The following BCAS1 variants were observed in gnomAD, a reference collection of about 807,000 sequenced individuals.
The protein encoded by BCAS1 is brain enriched myelin associated protein 1, also known as breast carcinoma-amplified sequence 1.
BCAS1 carries 46 observed loss-of-function variants against 65.4 expected under a neutral mutation model. The ratio of observed to expected loss-of-function variants is 0.70; its 90% CI spans 0.55 to 0.90. BCAS1 has a LOEUF of 0.90. Among genes scored for constraint, BCAS1 ranks in the 40% least tolerant of loss-of-function variants. BCAS1 has a pLI of 0.00. For missense variants in BCAS1, 793 were observed against 771.2 expected (o/e 1.03, Z -0.33); for synonymous variants, 298 against 293.5 (o/e 1.02, Z -0.16).
intron 3 of BCAS1, among the ~76,000 whole-genome samples, chr20:54,030,712 T>C (rs762318429): frequency 3.3e-5 from 5 of 151,256 alleles, no homozygotes; most frequent in Non-Finnish European, 7.4e-5. Context: ...GTGAGCTGGA[T>C]TAAGCATTGA....
chr20:53,958,013 C>G (rs953120684), intron 10 of BCAS1, among the ~76,000 whole-genome samples: 1 of 152,066 alleles, frequency 6.6e-6, no homozygotes, highest in Non-Finnish European at 1.5e-5. Flanking sequence ...ACTCCTTAAA[C>G]TCCACACTCT....
chr20:53,996,137 AC>A, intron 4 of BCAS1, 87 bp from the exon 5 acceptor site: 1 of 1,381,658 alleles, frequency 7.2e-7, no homozygotes, highest in African/African-American at 1.4e-5. Flanking sequence ...TTTCTCTCTT[AC>A]CCCCTAATTC....
chr20:54,019,201 C>G (rs1013086750), intron 4 of BCAS1, among the ~76,000 whole-genome samples: 2 of 152,146 alleles, frequency 1.3e-5, no homozygotes, highest in African/African-American at 4.8e-5. Flanking sequence ...GTCTAAATGC[C>G]TAGCTCAACG....
chr20:53,976,248 G>A (rs537288322), intron 8 of BCAS1, among the ~76,000 whole-genome samples: 2 of 152,292 alleles, frequency 1.3e-5, no homozygotes, highest in South Asian at 4.1e-4. Context: ...ATGGATGGTG[G>A]TGGATGTTAC....
At chr20:54,025,502 A>C (rs1245831103) in intron 4 of BCAS1, among the ~76,000 whole-genome samples, 1 of 152,194 alleles carries the variant, frequency 6.6e-6, no homozygotes, top group Non-Finnish European at 1.5e-5. Context: ...TAGTTTTATA[A>C]GGCACAAAAA....
intron 3 of BCAS1, among the ~76,000 whole-genome samples, chr20:54,053,813 T>C (rs577726240): frequency 2.0e-5 from 3 of 152,226 alleles, no homozygotes; most frequent in Non-Finnish European, 4.4e-5. Context: ...CAATGTAGCA[T>C]TCCAGCCTCT....
At chr20:53,975,348 G>C (rs781512325) in intron 9 of BCAS1, 41 bp downstream of exon 9, 1 of 1,582,926 alleles carries the variant, frequency 6.3e-7, no homozygotes, top group African/African-American at 1.3e-5. Context: ...CATGGCGGAA[G>C]ATGAGAATGG....
intron 4 of BCAS1, among the ~76,000 whole-genome samples, chr20:54,006,275 G>C (rs1209528991): frequency 6.6e-6 from 1 of 152,142 alleles, no homozygotes; most frequent in Non-Finnish European, 1.5e-5. Flanking sequence ...AAACTCACAT[G>C]CACTAGGGGA....
chr20:54,058,190 T>G (rs1315141183), intron 2 of BCAS1, 36 bp from the exon 3 acceptor site: 1 of 1,591,108 alleles, frequency 6.3e-7, no homozygotes, highest in Non-Finnish European at 8.6e-7. Context: ...AGACAAATCT[T>G]CGGGGGAAAA....
chr20:53,957,937 T>A (rs1252523366), intron 10 of BCAS1, among the ~76,000 whole-genome samples: 1 of 152,032 alleles, frequency 6.6e-6, no homozygotes, highest in Non-Finnish European at 1.5e-5. Flanking sequence ...AATATTTCAT[T>A]TTCCACCCTT....
intron 1 of BCAS1, 22 bp from the exon 2 acceptor site, chr20:54,058,745 GAA>G: frequency 6.2e-7 from 1 of 1,602,720 alleles, no homozygotes; most frequent in Middle Eastern, 1.7e-4. Context: ...AGAAAGAGAG[GAA>G]GAGAGAAAGA....
At chr20:54,026,488 G>A (rs1203019821) in intron 4 of BCAS1, among the ~76,000 whole-genome samples, 1 of 152,212 alleles carries the variant, frequency 6.6e-6, no homozygotes, top group African/African-American at 2.4e-5. Context: ...GATTAAGATG[G>A]GGATTTGGAT....
chr20:54,058,867 C>T, intron 1 of BCAS1, 144 bp from the exon 2 acceptor site: 2 of 829,972 alleles, frequency 2.4e-6, no homozygotes, highest in Middle Eastern at 2.4e-4. Flanking sequence ...TGTATTAGTC[C>T]GTTCTCACAC....
chr20:53,995,301 T>C (rs2090877110), intron 5 of BCAS1, among the ~76,000 whole-genome samples: 1 of 152,216 alleles, frequency 6.6e-6, no homozygotes, highest in South Asian at 2.1e-4. Flanking sequence ...ACATTCAAAA[T>C]TGTCTCCTGG....
chr20:53,966,629 TA>T (rs1245848417), intron 10 of BCAS1, among the ~76,000 whole-genome samples: 4 of 151,934 alleles, frequency 2.6e-5, no homozygotes, highest in East Asian at 1.9e-4. Flanking sequence ...ACTATTGAAA[TA>T]AAAAAAATTC....
In BCAS1 at chr20:53,995,903, A is replaced by G. The variant is rs770782543; in HGVS notation, c.871T>C (p.Phe291Leu). The G allele has an allele frequency of 9.4e-6, 15 of 1,603,690 alleles. No homozygotes were observed. The South Asian group carries it at 1.3e-4, about 14-fold the overall frequency. Residue 291 changes from phenylalanine (F) to leucine (L), a missense_variant, in exon 5 of 13, where the codon TTT (phenylalanine) becomes CTT (leucine). Phe to Leu is a conservative substitution (Grantham distance 22). Transcript: ENST00000688948. ...AGAAAACTGCTTACCAGAGTTTTAA[A>G]GAAACTCATGATGGAATTATTATTC... ...AENNNSIMSF[F>L]KTLVSPNKAE...
intron 8 of BCAS1, among the ~76,000 whole-genome samples, chr20:53,983,960 C>T (rs777730901): frequency 9.9e-5 from 15 of 152,182 alleles, no homozygotes; most frequent in Admixed American, 2.0e-4. Flanking sequence ...GTGTCTGCTT[C>T]TTGGAGGACC....
At chr20:53,947,574 A>C (rs1240677106) in intron 12 of BCAS1, among the ~76,000 whole-genome samples, 1 of 151,998 alleles carries the variant, frequency 6.6e-6, no homozygotes, top group Non-Finnish European at 1.5e-5. Context: ...CCCGGTCCTC[A>C]CTGCAGCCCA....
intron 1 of BCAS1, among the ~76,000 whole-genome samples, chr20:54,066,056 G>A (rs1272971908): frequency 2.0e-5 from 3 of 151,824 alleles, no homozygotes; most frequent in Admixed American, 6.6e-5. Context: ...ATCAGAACCC[G>A]ATGAGGCAGG....
Sources: gnomAD v4.1 joint callset for allele counts (sites outside exome capture counted in the v4.1 genomes callset) on GRCh38, gnomAD v4.1.1 for gene constraint, MANE v1.5 for transcripts, NCBI Gene and HGNC (gene_info 2026-07-23, HGNC 2026-07-21) for gene names.